NCAPD3: variants seen among roughly 807,000 people sequenced by gnomAD.
The protein encoded by NCAPD3 is non-SMC condensin II complex subunit D3, also known as condensin-2 complex subunit D3.
A neutral mutation model predicts 182.9 loss-of-function variants in NCAPD3; 105 were observed. That is an observed-to-expected ratio of 0.57 (90% CI 0.49 to 0.68). The LOEUF (loss-of-function observed/expected upper bound fraction) is 0.68, where lower values mean the gene tolerates loss of function less well. NCAPD3 is among the 30% of genes least tolerant of loss of function. NCAPD3 has a pLI of 0.00. For synonymous variants in NCAPD3, 815 were observed against 679.9 expected (o/e 1.20, Z -3.09); for missense variants, 1,944 against 1,837.0 (o/e 1.06, Z -1.07).
At chr11:134,185,231 G>T in intron 17 of NCAPD3, 104 bp downstream of exon 17, 1 of 1,057,774 alleles carries the variant, frequency 9.5e-7, no homozygotes. Flanking sequence ...TAAACAGAAG[G>T]TCTCTGTATA....
In NCAPD3 at chr11:134,178,875, C is replaced by A; in HGVS notation, c.2621G>T (p.Arg874Leu). 1.2e-6 allele frequency: 2 copies of A among 1,614,060 alleles called. No individual in the cohort carries two copies. Among genetic ancestry groups the A allele is most frequent in the Non-Finnish European group, 1.7e-6 (2 of 1,179,980 alleles). The change falls in exon 21 of 35, where the codon CGC (arginine) becomes CTC (leucine). Residue 874 changes from arginine (R) to leucine (L), a missense_variant. By Grantham distance (102) the Arg-to-Leu change is moderately radical (BLOSUM62 -2). Transcript: ENST00000534548. ...AQLCPARVEK[R>L]IFLLIQSVLA... ...GACGGACTGAATCAGAAGGAAGATG[C>A]GCTTCTCCACCCTGGCTGGACACAG...
intron 16 of NCAPD3, among the ~76,000 whole-genome samples, chr11:134,187,632 C>A (rs764895230): frequency 6.6e-5 from 10 of 151,818 alleles, no homozygotes; most frequent in Non-Finnish European, 1.3e-4. Context: ...ATTCTACCCA[C>A]GCCACTACTT....
In NCAPD3 at chr11:134,202,816, C is replaced by T; in HGVS notation, c.1615G>A (p.Glu539Lys). 1 of 1,598,126 alleles carries T rather than the reference C, an allele frequency of 6.3e-7. No homozygotes were observed. Among genetic ancestry groups the T allele is most frequent in the Non-Finnish European group, 8.5e-7 (1 of 1,170,804 alleles). The change falls in exon 13 of 35, where the codon GAA becomes AAA. Residue 539 changes from glutamate to lysine, a missense_variant and splice_region_variant. Around this residue, in one of 3 missense-constraint regions of NCAPD3, gnomAD observed 1,803 missense variants for 1,674.6 expected, o/e 1.08. Coordinates refer to ENST00000534548, the MANE Select transcript of NCAPD3 (RefSeq NM_015261.3). ...DSSGETVGSG[E>K]RCVMAMLRRR... is the part of the protein sequence containing the mutation. ...CTGACAGTGATAAAATCTGACATAC[C>T]TCCAGATCCAACTGTTTCACCACTG...
At chr11:134,165,799 A>AGC (rs1943766081) in intron 27 of NCAPD3, among the ~76,000 whole-genome samples, 1 of 74,964 alleles carries the variant, frequency 1.3e-5, no homozygotes, top group African/African-American at 5.4e-5. Flanking sequence ...CTTAGGGGAG[A>AGC]TGCACACTCA....
At chr11:134,214,948 T>C (rs544023316) in intron 3 of NCAPD3, among the ~76,000 whole-genome samples, 55 of 152,230 alleles carry the variant, frequency 3.6e-4, no homozygotes, top group African/African-American at 1.2e-3. Context: ...CTTATGAATA[T>C]AGACAAAAAA....
At chr11:134,214,922 C>CA (rs1004020536) in intron 3 of NCAPD3, among the ~76,000 whole-genome samples, 1 of 151,912 alleles carries the variant, frequency 6.6e-6, no homozygotes, top group Non-Finnish European at 1.5e-5. Context: ...AAAAATATCT[C>CA]AAAAAAAGAA....
At chr11:134,223,398 G>A in intron 1 of NCAPD3, 2 of 702,366 alleles carry the variant, frequency 2.8e-6, no homozygotes, top group Non-Finnish European at 5.2e-6. Flanking sequence ...TGGTGGCTTG[G>A]ATGGTGCCAT....
chr11:134,194,811 T>C (rs2135999169), intron 13 of NCAPD3, 73 bp from the exon 14 acceptor site: 2 of 986,338 alleles, frequency 2.0e-6, no homozygotes, highest in East Asian at 2.5e-5. Context: ...CACCACACAA[T>C]ACCCAGAAAA....
At position 134,204,049 on chromosome 11, in the gene NCAPD3, G is replaced by C. The variant is rs747909211; in HGVS notation, c.1212C>G (p.Ser404=). ...TTTATGCAGAGCTATCTCCTACCTT[G>C]GAACTTCGGGAGTATTTGTAAAGCC... ...IAWLYKYSRS[S]KIPHRVFTLD... The change falls in exon 10 of 35, where the codon TCC becomes TCG. Residue 404 remains serine (S), a synonymous_variant. Coordinates refer to ENST00000534548, the MANE Select transcript of NCAPD3 (RefSeq NM_015261.3). The surrounding 1 kb of genome is among the most constrained non-coding windows in gnomAD (Gnocchi z 4.3). 1.2e-6 allele frequency: 2 copies of C among 1,614,066 alleles called. No homozygotes were observed. Among genetic ancestry groups the C allele is most frequent in the East Asian group, 4.5e-5 (2 of 44,874 alleles).
At chr11:134,161,698 G>C (rs1415857293) in intron 28 of NCAPD3, 83 bp downstream of exon 28, 13 of 801,138 alleles carry the variant, frequency 1.6e-5, no homozygotes, top group Non-Finnish European at 2.7e-5. Context: ...TTCACGGATT[G>C]CCTGCACTGT....
rs1342331333 is a variant in NCAPD3 at position 134,184,895 on chromosome 11, ACACT to A, written c.2335+4_2335+7del. On this transcript the variant is annotated splice_donor_5th_base_variant and intron_variant, in intron 18 of 34. Coordinates refer to ENST00000534548, the MANE Select transcript of NCAPD3 (RefSeq NM_015261.3). ...ATTTTCACATAAGATTCTCCAGCAG[ACACT>A]CACCAGTCACTTTGTCCCGGGTGCT... 1.2e-6 allele frequency: 2 copies of A among 1,600,146 alleles called. No homozygotes were observed. Among genetic ancestry groups the A allele is most frequent in the Non-Finnish European group, 8.6e-7 (1 of 1,167,294 alleles).
At chr11:134,218,830 A>T (rs901822053) in intron 2 of NCAPD3, among the ~76,000 whole-genome samples, 3 of 152,176 alleles carry the variant, frequency 2.0e-5, no homozygotes, top group Non-Finnish European at 4.4e-5. Context: ...TCACCAATAC[A>T]GTCTCCCAAG....
intron 16 of NCAPD3, among the ~76,000 whole-genome samples, chr11:134,189,703 GCTT>G (rs1317142301): frequency 1.3e-5 from 2 of 152,154 alleles, no homozygotes; most frequent in African/African-American, 2.4e-5. Flanking sequence ...AGAAATGTGT[GCTT>G]ATTGGGCATG....
chr11:134,179,210 T>C (rs1272527311), intron 20 of NCAPD3, among the ~76,000 whole-genome samples: 2 of 152,174 alleles, frequency 1.3e-5, no homozygotes, highest in South Asian at 2.1e-4. Context: ...TTTGTGAAAA[T>C]AGGTGTACGC....
chr11:134,157,289 G>T (rs751021118), intron 31 of NCAPD3, among the ~76,000 whole-genome samples, 194 bp from the exon 32 acceptor site: 1 of 151,916 alleles, frequency 6.6e-6, no homozygotes, highest in Non-Finnish European at 1.5e-5. Flanking sequence ...TTCTCATTAG[G>T]ATTCAAAAAA....
intron 20 of NCAPD3, among the ~76,000 whole-genome samples, chr11:134,180,855 T>A (rs1400436023): frequency 1.3e-5 from 2 of 152,184 alleles, no homozygotes; most frequent in African/African-American, 2.4e-5. Flanking sequence ...CTGAACTAGA[T>A]GAAGCGTATA....
chr11:134,198,339 T>C (rs558404770), intron 13 of NCAPD3, among the ~76,000 whole-genome samples: 2 of 152,098 alleles, frequency 1.3e-5, no homozygotes, highest in East Asian at 3.9e-4. Flanking sequence ...ACTCAGCCAA[T>C]TTTCAACAAG....
intron 1 of NCAPD3, 76 bp downstream of exon 1, chr11:134,223,787 G>A: frequency 1.3e-6 from 2 of 1,537,428 alleles, no homozygotes; most frequent in Non-Finnish European, 1.8e-6. Flanking sequence ...CGGCACCCCG[G>A]CCCGGGCTTA....
intron 7 of NCAPD3, 130 bp downstream of exon 7, chr11:134,208,734 A>G (rs1382451498): frequency 8.8e-6 from 6 of 679,680 alleles, no homozygotes; most frequent in Non-Finnish European, 1.6e-5. Flanking sequence ...TATGCAAATA[A>G]TATAAGGTCA....
Sources: gnomAD v4.1 joint callset for allele counts (sites outside exome capture counted in the v4.1 genomes callset) on GRCh38, gnomAD v4.1.1 for gene constraint, gnomAD v4.1.1 regional missense constraint, Gnocchi (gnomAD v3.1) non-coding constraint, MANE v1.5 for transcripts, NCBI Gene and HGNC (gene_info 2026-07-23, HGNC 2026-07-21) for gene names.